RGS6: variants seen among roughly 807,000 people sequenced by gnomAD.
RGS6 encodes regulator of G protein signaling 6.
In RGS6, 30 loss-of-function variants were observed where a neutral mutation model predicts 78.5. The ratio of observed to expected loss-of-function variants is 0.38; its 90% CI spans 0.29 to 0.52. RGS6 has a LOEUF of 0.52. Ranked by LOEUF, RGS6 falls within the 20% of genes least tolerant of loss-of-function variation. The pLI, the probability that RGS6 is intolerant of heterozygous loss-of-function variation, is 0.85. For synonymous variants in RGS6, 206 were observed against 206.0 expected (o/e 1.00, Z 0.00); for missense variants, 495 against 609.7 (o/e 0.81, Z 1.98).
chr14:72,094,379 C>T (rs1355384450), intron 2 of RGS6, among the ~76,000 whole-genome samples: 2 of 152,150 alleles, frequency 1.3e-5, no homozygotes, highest in Non-Finnish European at 2.9e-5. Context: ...AGGTATAGCT[C>T]TTGGAGAGAG....
chr14:71,978,670 T>C (rs1440185629), intron 2 of RGS6, among the ~76,000 whole-genome samples: 10 of 151,012 alleles, frequency 6.6e-5, no homozygotes, highest in Non-Finnish European at 1.2e-4. Flanking sequence ...TTTGCCAGTA[T>C]TTTATTGAGG....
intron 3 of RGS6, among the ~76,000 whole-genome samples, chr14:72,363,554 T>C (rs1181973567): frequency 1.3e-5 from 2 of 152,148 alleles, no homozygotes; most frequent in Non-Finnish European, 2.9e-5. Flanking sequence ...GCAGTAGGGT[T>C]CAAAAGATCA....
In RGS6 at chr14:72,103,864, T is replaced by G. The variant is rs116490609; in HGVS notation, c.84+138989T>G. Among the ~76,000 whole-genome samples, 1,084 of 152,268 alleles carry G rather than the reference T, an allele frequency of 7.1e-3. 10 individuals are homozygous for G. The highest frequency in any genetic ancestry group is 0.025 in the African/African-American group (1,025 of 41,550). Reference sequence around the variant, plus strand: ...ATTCAAAGGGTGGAGGAAACAGAGGTTGCCTATAAAAGAAGGATTTTGACC... The same window carrying G: ...ATTCAAAGGGTGGAGGAAACAGAGGGTGCCTATAAAAGAAGGATTTTGACC... On this transcript the variant is annotated intron_variant, in intron 2 of 17. Coordinates refer to ENST00000553525, the MANE Select transcript of RGS6 (RefSeq NM_001204424.2).
chr14:72,007,656 A>G (rs1018661453), intron 2 of RGS6, among the ~76,000 whole-genome samples: 7 of 152,166 alleles, frequency 4.6e-5, no homozygotes, highest in Non-Finnish European at 8.8e-5. Context: ...ATCTCAGGGA[A>G]GCCAAAAGAT....
chr14:71,898,489 T>C, the RGS6 span, among the ~76,000 whole-genome samples: 1 of 152,242 alleles, frequency 6.6e-6, no homozygotes, highest in African/African-American at 2.4e-5. Flanking sequence ...GTTCCTAAAA[T>C]ATGTAGGTAC....
chr14:72,295,764 A>AAT (rs773960322), intron 2 of RGS6, among the ~76,000 whole-genome samples: 24 of 152,356 alleles, frequency 1.6e-4, no homozygotes, highest in Non-Finnish European at 3.1e-4. Flanking sequence ...AGTAAATAAA[A>AAT]ATAACTACAC....
chr14:72,425,848 C>T, intron 3 of RGS6, among the ~76,000 whole-genome samples: 1 of 152,028 alleles, frequency 6.6e-6, no homozygotes, highest in Non-Finnish European at 1.5e-5. Context: ...TGCTTTGTGG[C>T]TTATCATTGC....
chr14:72,300,629 C>T (rs948316012), intron 2 of RGS6, among the ~76,000 whole-genome samples: 9 of 152,136 alleles, frequency 5.9e-5, no homozygotes, highest in Non-Finnish European at 1.2e-4. Context: ...TGAAACGTCT[C>T]GAAATGGCAT....
chr14:71,991,556 T>C (rs577435544), intron 2 of RGS6, among the ~76,000 whole-genome samples: 23 of 152,358 alleles, frequency 1.5e-4, no homozygotes, highest in African/African-American at 5.0e-4. Flanking sequence ...ATGGTTCATG[T>C]TAATTGTAAA....
chr14:72,580,455 G>C, the RGS6 span, among the ~76,000 whole-genome samples: 1 of 152,134 alleles, frequency 6.6e-6, no homozygotes, highest in Admixed American at 6.5e-5. Context: ...CCCCAGAAGT[G>C]CACTTTAGAA....
intron 2 of RGS6, among the ~76,000 whole-genome samples, chr14:72,115,500 G>A (rs2095866132): frequency 6.6e-6 from 1 of 152,152 alleles, no homozygotes; most frequent in Non-Finnish European, 1.5e-5. Flanking sequence ...GAAGCCGACT[G>A]CCCTTCTCCA....
At chr14:71,971,106 C>T (rs767654794) in intron 2 of RGS6, among the ~76,000 whole-genome samples, 3 of 152,282 alleles carry the variant, frequency 2.0e-5, no homozygotes, top group Non-Finnish European at 2.9e-5. Flanking sequence ...AGGGCCAGAT[C>T]ACAAAAGACC....
Position 72,564,469 on chromosome 14 carries a change from T to C in RGS6, c.*2002T>C, listed in dbSNP as rs1027454263. 2.6e-5 allele frequency: 4 copies of C among 152,248 alleles called. No homozygotes were observed. In the East Asian group the frequency reaches 5.8e-4, roughly 22 times the overall value. 9.4% of individuals were successfully genotyped at this position (152,248 alleles called of 1,614,324 possible). A position where few individuals can be genotyped will look rare whatever the true frequency, so the allele number is the denominator to read the frequency against. On this transcript the variant is annotated 3_prime_UTR_variant, in exon 18 of 18. Coordinates refer to ENST00000553525, the MANE Select transcript of RGS6 (RefSeq NM_001204424.2). ...CCTCTTTCTCTTTGTATAAACCTCA[T>C]GTTTCAGAACAAAATTACAGTCTAA...
chr14:72,548,949 G>T (rs1052193994), intron 17 of RGS6, among the ~76,000 whole-genome samples: 1 of 152,224 alleles, frequency 6.6e-6, no homozygotes, highest in South Asian at 2.1e-4. Context: ...TGCAGAGTAG[G>T]TTTCTACACC....
At chr14:72,461,936 C>T (rs1034580158) in intron 6 of RGS6, among the ~76,000 whole-genome samples, 2 of 152,116 alleles carry the variant, frequency 1.3e-5, no homozygotes. Flanking sequence ...ATGTAAGGTT[C>T]TCTGAGTTAA....
At chr14:72,500,554 G>T (rs887978665) in intron 13 of RGS6, among the ~76,000 whole-genome samples, 1 of 152,198 alleles carries the variant, frequency 6.6e-6, no homozygotes, top group Admixed American at 6.5e-5. Context: ...AACAAGAAGG[G>T]CTCTCAAGAT....
chr14:72,433,075 A>G (rs1366762641), intron 3 of RGS6, among the ~76,000 whole-genome samples: 3 of 152,162 alleles, frequency 2.0e-5, no homozygotes, highest in Non-Finnish European at 4.4e-5. Flanking sequence ...GACCACACGC[A>G]ACTTGACTGG....
At chr14:71,975,467 CTT>C (rs111540663) in intron 2 of RGS6, among the ~76,000 whole-genome samples, 4 of 145,316 alleles carry the variant, frequency 2.8e-5, no homozygotes, top group African/African-American at 2.5e-5. Context: ...CTTGGGGATT[CTT>C]TTTTTTTTTG....
chr14:71,871,060 A>G, the RGS6 span, among the ~76,000 whole-genome samples: 2 of 152,230 alleles, frequency 1.3e-5, no homozygotes, highest in Non-Finnish European at 2.9e-5. Context: ...CAGGGGTTCC[A>G]GCTGACTTGT....
Sources: gnomAD v4.1 joint callset for allele counts (sites outside exome capture counted in the v4.1 genomes callset) on GRCh38, gnomAD v4.1.1 for gene constraint, MANE v1.5 for transcripts, NCBI Gene and HGNC (gene_info 2026-07-23, HGNC 2026-07-21) for gene names.